NRXN3: variants seen among roughly 807,000 people sequenced by gnomAD.
The protein encoded by NRXN3 is neurexin 3, also known as neurexin III.
A neutral mutation model predicts 137.6 loss-of-function variants in NRXN3; 32 were observed. The observed-to-expected ratio is 0.23, with a 90% CI of 0.18 to 0.31. The LOEUF (loss-of-function observed/expected upper bound fraction) is 0.31, where lower values mean the gene tolerates loss of function less well. Among genes scored for constraint, NRXN3 ranks in the 10% least tolerant of loss-of-function variants. NRXN3 has a pLI of 1.00. For synonymous variants in NRXN3, 798 were observed against 784.5 expected, an observed-to-expected ratio of 1.02 and a Z score of -0.29; for missense variants, 1,574 against 2,062.5, an observed-to-expected ratio of 0.76 and a Z score of 4.59.
At chr14:79,432,152 C>T (rs886908051) in intron 15 of NRXN3, among the ~76,000 whole-genome samples, 8 of 152,112 alleles carry the variant, frequency 5.3e-5, no homozygotes, top group African/African-American at 1.9e-4. Context: ...ATAGCACCTG[C>T]CATTTCTAAA....
intron 19 of NRXN3, among the ~76,000 whole-genome samples, chr14:79,788,973 C>T (rs2140253071): frequency 6.6e-6 from 1 of 152,114 alleles, no homozygotes; most frequent in South Asian, 2.1e-4. Flanking sequence ...AACTTAATAC[C>T]CTTGTTCAGA....
At chr14:78,236,435 T>C (rs749047995) in intron 1 of NRXN3, among the ~76,000 whole-genome samples, 1 of 152,244 alleles carries the variant, frequency 6.6e-6, no homozygotes. Context: ...AGCTGTATAG[T>C]ATTTTGCATG....
intron 15 of NRXN3, among the ~76,000 whole-genome samples, chr14:79,114,229 G>A (rs536604145): frequency 2.6e-5 from 4 of 152,336 alleles, no homozygotes; most frequent in Admixed American, 1.3e-4. Context: ...GGCCAGGGGT[G>A]CTGCTAAACA....
At chr14:78,414,774 A>G (rs2153668348) in intron 4 of NRXN3, among the ~76,000 whole-genome samples, 1 of 152,272 alleles carries the variant, frequency 6.6e-6, no homozygotes, top group Admixed American at 6.5e-5. Context: ...TCACAGCATC[A>G]AAGAACAGGA....
chr14:78,537,649 AT>A (rs2096549444), intron 4 of NRXN3, among the ~76,000 whole-genome samples: 1 of 152,102 alleles, frequency 6.6e-6, no homozygotes, highest in Non-Finnish European at 1.5e-5. Context: ...TTTTGTTGCC[AT>A]TGCTTTTTGT....
intron 15 of NRXN3, among the ~76,000 whole-genome samples, chr14:79,134,091 C>G (rs12880289): frequency 0.53 from 79,780 of 151,890 alleles, 22,737 homozygotes; most frequent in East Asian, 0.77. Flanking sequence ...TTCCTCTCAC[C>G]CCTTAGTGGT....
chr14:79,432,823 G>C (rs2095785698), intron 15 of NRXN3, among the ~76,000 whole-genome samples: 2 of 152,018 alleles, frequency 1.3e-5, no homozygotes, highest in East Asian at 1.9e-4. Flanking sequence ...TTTGTGATTG[G>C]CACGTGTTAC....
intron 15 of NRXN3, among the ~76,000 whole-genome samples, chr14:79,049,677 C>G (rs1430285270): frequency 1.3e-5 from 2 of 152,096 alleles, no homozygotes; most frequent in Admixed American, 1.3e-4. Context: ...TAGCTATAGC[C>G]TTACAAAATG....
chr14:78,941,320 A>G (rs775382736), intron 10 of NRXN3, among the ~76,000 whole-genome samples: 1 of 152,166 alleles, frequency 6.6e-6, no homozygotes, highest in Non-Finnish European at 1.5e-5. Flanking sequence ...TGTATAATCA[A>G]CTACCTCCAT....
At chr14:78,571,488 G>A (rs1033043959) in intron 4 of NRXN3, among the ~76,000 whole-genome samples, 1 of 152,158 alleles carries the variant, frequency 6.6e-6, no homozygotes, top group East Asian at 1.9e-4. Context: ...GCAGGGTTGG[G>A]AAACAAGATT....
chr14:79,074,163 G>A (rs1396159402), intron 15 of NRXN3, among the ~76,000 whole-genome samples: 1 of 151,926 alleles, frequency 6.6e-6, no homozygotes, highest in African/African-American at 2.4e-5. Flanking sequence ...AAAACATATG[G>A]GTCCATTCCA....
intron 10 of NRXN3, among the ~76,000 whole-genome samples, chr14:78,864,447 A>G (rs1165075715): frequency 6.6e-6 from 1 of 152,182 alleles, no homozygotes; most frequent in Non-Finnish European, 1.5e-5. Context: ...GCAGAAACTG[A>G]AACCTAGCCA....
intron 15 of NRXN3, among the ~76,000 whole-genome samples, chr14:79,262,175 G>A (rs1306321594): frequency 1.3e-5 from 2 of 152,162 alleles, no homozygotes; most frequent in Non-Finnish European, 2.9e-5. Flanking sequence ...ACATTCTCTT[G>A]GGCCCCTCCT....
chr14:79,417,482 T>C (rs2217887), intron 15 of NRXN3, among the ~76,000 whole-genome samples: 47,903 of 151,902 alleles, frequency 0.32, 8,221 homozygotes, highest in Middle Eastern at 0.53. Context: ...TATTGCTGCT[T>C]TTACTGCTGT....
At chr14:78,588,779 C>G (rs555371694) in intron 4 of NRXN3, among the ~76,000 whole-genome samples, 19 of 152,302 alleles carry the variant, frequency 1.2e-4, no homozygotes, top group Non-Finnish European at 1.9e-4. Flanking sequence ...TTTCTCAGTC[C>G]CTTGTCCGCC....
chr14:79,048,481 G>C (rs2099636351), intron 15 of NRXN3, among the ~76,000 whole-genome samples: 1 of 152,120 alleles, frequency 6.6e-6, no homozygotes, highest in Non-Finnish European at 1.5e-5. Flanking sequence ...ATTTCCCAGT[G>C]CATATAAAAG....
intron 15 of NRXN3, among the ~76,000 whole-genome samples, chr14:79,127,121 G>C (rs1314692769): frequency 6.6e-6 from 1 of 151,912 alleles, no homozygotes; most frequent in Non-Finnish European, 1.5e-5. Flanking sequence ...CCCATTTTGT[G>C]GGTTGCCCGT....
chr14:78,636,182 T>C (rs913623221), intron 4 of NRXN3, among the ~76,000 whole-genome samples: 39 of 152,200 alleles, frequency 2.6e-4, no homozygotes, highest in Non-Finnish European at 4.6e-4. Context: ...AAATATCAGT[T>C]CTATTGCTGG....
At chr14:79,142,360 A>C (rs1257816982) in intron 15 of NRXN3, among the ~76,000 whole-genome samples, 2 of 151,694 alleles carry the variant, frequency 1.3e-5, no homozygotes, top group Non-Finnish European at 2.9e-5. Context: ...CGGGAGGCAG[A>C]CGTTGCAGTG....
Sources: gnomAD v4.1 joint callset for allele counts (sites outside exome capture counted in the v4.1 genomes callset) on GRCh38, gnomAD v4.1.1 for gene constraint, MANE v1.5 for transcripts, NCBI Gene and HGNC (gene_info 2026-07-23, HGNC 2026-07-21) for gene names.